Variants in STPG2 observed in about 807,000 individuals in gnomAD.
STPG2 encodes sperm-tail PG-rich repeat-containing protein 2.
A neutral mutation model predicts 54.2 loss-of-function variants in STPG2; 56 were observed. The ratio of observed to expected loss-of-function variants is 1.03; its 90% confidence interval spans 0.83 to 1.29. The LOEUF (loss-of-function observed/expected upper bound fraction) is 1.29. Ranked by LOEUF, STPG2 falls within the 50% of genes most tolerant of loss-of-function variation. The pLI is 0.00. For missense variants in STPG2, 596 were observed against 544.9 expected, an observed-to-expected ratio of 1.09 and a Z score of -0.93; for synonymous variants, 200 against 181.8, an observed-to-expected ratio of 1.10 and a Z score of -0.81.
chr4:97,510,960 C>T (rs1730959039), intron 4 of STPG2, among the ~76,000 whole-genome samples: 1 of 151,794 alleles, frequency 6.6e-6, no homozygotes, highest in African/African-American at 2.4e-5. Flanking sequence ...AGAGCAAACT[C>T]CCATCTCTAA....
rs576944195 is a variant in STPG2 at position 97,568,370 on chromosome 4, T to C, written c.1321-9253A>G. Reference sequence around the variant, plus strand: ...AGCAAATGAGTAAATGTGTTGATGTTACATCTCACATTGGAAGAATCAAGT... The same window carrying C: ...AGCAAATGAGTAAATGTGTTGATGTCACATCTCACATTGGAAGAATCAAGT... On this transcript the variant is annotated intron_variant, in intron 10 of 10. Coordinates refer to ENST00000295268, the MANE Select transcript of STPG2 (RefSeq NM_174952.3). 3.9e-5 allele frequency among the ~76,000 whole-genome samples: 6 copies of C among 152,302 alleles called. No homozygotes were observed. The South Asian group carries it at 1.2e-3, about 32-fold the overall frequency.
intron 8 of STPG2, among the ~76,000 whole-genome samples, chr4:97,906,397 C>A (rs1052543760): frequency 2.0e-5 from 3 of 152,100 alleles, no homozygotes; most frequent in African/African-American, 7.2e-5. Context: ...CAAAAAGAGT[C>A]CAGGACCAGA....
chr4:97,656,469 A>C, intron 10 of STPG2, among the ~76,000 whole-genome samples: 1 of 152,002 alleles, frequency 6.6e-6, no homozygotes, highest in Non-Finnish European at 1.5e-5. Context: ...TTTTCTCTCC[A>C]TTAGGACAAA....
chr4:97,456,327 G>GGAGA (rs372275507), intron 4 of STPG2, among the ~76,000 whole-genome samples: 1 of 150,980 alleles, frequency 6.6e-6, no homozygotes, highest in Non-Finnish European at 1.5e-5. Flanking sequence ...AGCAGGAAGG[G>GGAGA]GAGAGAGAGA....
chr4:97,679,997 G>T (rs1722980541), intron 10 of STPG2, among the ~76,000 whole-genome samples: 1 of 151,956 alleles, frequency 6.6e-6, no homozygotes, highest in African/African-American at 2.4e-5. Context: ...TCTCTGTTTT[G>T]GTACCAGTGC....
chr4:98,052,982 G>C (rs1025547770), intron 5 of STPG2, among the ~76,000 whole-genome samples: 4 of 152,116 alleles, frequency 2.6e-5, no homozygotes, highest in Admixed American at 1.3e-4. Context: ...TTCTCAGAAA[G>C]AAATCACATC....
At chr4:98,045,271 T>G (rs2149309885) in intron 5 of STPG2, among the ~76,000 whole-genome samples, 1 of 152,288 alleles carries the variant, frequency 6.6e-6, no homozygotes, top group Admixed American at 6.5e-5. Context: ...GAACCTCCAC[T>G]GCACGCTGGT....
intron 5 of STPG2, among the ~76,000 whole-genome samples, chr4:97,983,422 A>G (rs1246871456): frequency 6.6e-6 from 1 of 152,172 alleles, no homozygotes; most frequent in South Asian, 2.1e-4. Context: ...AAATGCTTGG[A>G]GGGTTGGCAT....
intron 4 of STPG2, among the ~76,000 whole-genome samples, chr4:97,553,316 A>G (rs532389324): frequency 6.6e-6 from 1 of 152,286 alleles, no homozygotes; most frequent in Admixed American, 6.5e-5. Context: ...ACATAATAAT[A>G]TGTTGCTGCA....
intron 9 of STPG2, among the ~76,000 whole-genome samples, chr4:97,829,383 G>C (rs540106582): frequency 6.6e-6 from 1 of 152,238 alleles, no homozygotes; most frequent in South Asian, 2.1e-4. Flanking sequence ...CAACATCAAA[G>C]AGCAAAGGTA....
At chr4:97,737,571 C>G (rs1200480883) in intron 9 of STPG2, among the ~76,000 whole-genome samples, 1 of 152,046 alleles carries the variant, frequency 6.6e-6, no homozygotes, top group African/African-American at 2.4e-5. Flanking sequence ...AATGCAGAAG[C>G]CTCAGGAGCT....
intron 8 of STPG2, among the ~76,000 whole-genome samples, chr4:97,926,813 G>C (rs1282632080): frequency 6.6e-6 from 1 of 152,028 alleles, no homozygotes; most frequent in Non-Finnish European, 1.5e-5. Flanking sequence ...ATAGAATGAT[G>C]AAAAGAGACC....
intron 5 of STPG2, among the ~76,000 whole-genome samples, chr4:98,010,849 AAC>A (rs1177694393): frequency 6.6e-6 from 1 of 152,146 alleles, no homozygotes; most frequent in Non-Finnish European, 1.5e-5. Flanking sequence ...CTGAAGTTAT[AAC>A]AGTTTATTTT....
At chr4:97,792,016 A>C (rs1198284166) in intron 9 of STPG2, among the ~76,000 whole-genome samples, 1 of 151,852 alleles carries the variant, frequency 6.6e-6, no homozygotes, top group African/African-American at 2.4e-5. Flanking sequence ...CAGGTAGAGA[A>C]AAGACAAATC....
At chr4:97,517,598 T>C (rs1238623853) in intron 4 of STPG2, among the ~76,000 whole-genome samples, 6 of 108,976 alleles carry the variant, frequency 5.5e-5, no homozygotes. Context: ...ATGTTCTTAG[T>C]GTCAATTTTT....
intron 10 of STPG2, among the ~76,000 whole-genome samples, chr4:97,687,394 C>A (rs991585648): frequency 6.6e-6 from 1 of 151,890 alleles, no homozygotes; most frequent in African/African-American, 2.4e-5. Flanking sequence ...TGCAATCTCA[C>A]CTCACTGCAA....
rs1724166830 is a variant in STPG2 at position 97,712,798 on chromosome 4, A to AT, written c.1220dup (p.Asn407LysfsTer21). The AT allele has an allele frequency of 6.2e-7, 1 of 1,605,640 alleles. No individual in the cohort carries two copies. The highest frequency in any genetic ancestry group is 1.3e-5 in the African/African-American group (1 of 74,640). On this transcript the variant is annotated frameshift_variant, in exon 10 of 11. Transcript: ENST00000295268. LOFTEE classifies it high-confidence loss of function. ...TGGGGCAAGATTTCCTTAAAACAGGATTGTATGCTGCAGGACCTGAGAGAC... is the reference window on the plus strand; with the variant it reads ...TGGGGCAAGATTTCCTTAAAACAGGATTTGTATGCTGCAGGACCTGAGAGAC...
intron 5 of STPG2, among the ~76,000 whole-genome samples, chr4:98,074,852 T>A (rs1738111386): frequency 6.6e-6 from 1 of 152,182 alleles, no homozygotes; most frequent in Non-Finnish European, 1.5e-5. Context: ...TAATCACAAT[T>A]ATCTTAAAGT....
At chr4:97,469,259 T>C (rs748431823) in intron 4 of STPG2, among the ~76,000 whole-genome samples, 1 of 152,130 alleles carries the variant, frequency 6.6e-6, no homozygotes, top group South Asian at 2.1e-4. Flanking sequence ...TAAATGCATG[T>C]TAATACATTA....
Sources: allele counts gnomAD v4.1 joint callset (sites outside exome capture counted in the v4.1 genomes callset), GRCh38; gene constraint gnomAD v4.1.1; transcripts MANE v1.5; gene names NCBI Gene and HGNC (gene_info 2026-07-23, HGNC 2026-07-21).